RAB12: variants seen among roughly 807,000 people sequenced by gnomAD.
RAB12 encodes the protein RAB12, member RAS oncogene family, also known as ras-related protein Rab-12.
Under a neutral mutation model 28.4 loss-of-function variants are expected in RAB12, and 11 were observed. The observed-to-expected ratio is 0.39, with a 90% CI of 0.24 to 0.64. The LOEUF (loss-of-function observed/expected upper bound fraction) is 0.64. Ranked by LOEUF, RAB12 falls within the 30% of genes least tolerant of loss-of-function variation. The probability of loss-of-function intolerance (pLI) is 0.50; values close to 1 mark genes in which losing one functional copy is unlikely to be tolerated. For missense variants in RAB12, 276 were observed against 351.1 expected (o/e 0.79, Z 1.71); for synonymous variants, 138 against 145.3 (o/e 0.95, Z 0.36).
chr18:8,636,467 G>C, intron 5 of RAB12, 110 bp downstream of exon 5: 1 of 680,196 alleles, frequency 1.5e-6, no homozygotes, highest in South Asian at 1.9e-5. Context: ...CAGTAGTTGT[G>C]CTCAGGCGCA....
intron 2 of RAB12, among the ~76,000 whole-genome samples, chr18:8,625,796 G>T (rs943943447): frequency 6.6e-6 from 1 of 152,106 alleles, no homozygotes; most frequent in African/African-American, 2.4e-5. Context: ...AACTCCTCTT[G>T]GCAGGTCACC....
chr18:8,616,665 A>C (rs955351757), intron 1 of RAB12, among the ~76,000 whole-genome samples: 2 of 152,164 alleles, frequency 1.3e-5, no homozygotes, highest in African/African-American at 4.8e-5. Flanking sequence ...TTGGCTAAAG[A>C]ATCACACACC....
At chr18:8,630,602 A>T (rs981819988) in intron 2 of RAB12, among the ~76,000 whole-genome samples, 1 of 152,226 alleles carries the variant, frequency 6.6e-6, no homozygotes, top group Non-Finnish European at 1.5e-5. Flanking sequence ...GGGGAGGTCC[A>T]TTCAGATGGT....
Position 8,636,283 on chromosome 18 carries a change from T to C in RAB12, c.835T>C (p.Cys279Arg), listed in dbSNP as rs748589565. 1.9e-6 allele frequency: 3 copies of C among 1,613,658 alleles called. No individual in the cohort carries two copies. The highest frequency in any genetic ancestry group is 2.5e-6 in the Non-Finnish European group (3 of 1,179,682). The change falls in exon 5 of 6, where the codon TGT becomes CGT. Residue 279 changes from cysteine (C) to arginine (R), a missense_variant. Physicochemically the swap from Cys to Arg is radical, Grantham distance 180. This residue lies in a region of RAB12 where 127 missense variants were observed against 161.4 expected (regional missense o/e 0.79). Transcript: ENST00000649141. ...ACAGCAGATCACTGGGATGCGGTTCTGTGAAGCAAGTGCCAAGGATAACTT... is the reference window on the plus strand; with the variant it reads ...ACAGCAGATCACTGGGATGCGGTTCCGTGAAGCAAGTGCCAAGGATAACTT... ...FAQQITGMRFCEASAKDNFNV... is the reference protein window; with the variant it reads ...FAQQITGMRFREASAKDNFNV...
chr18:8,609,726 G>A lies in RAB12; in HGVS notation c.287G>A (p.Cys96Tyr), dbSNP rs1330030782. 3.5e-6 allele frequency: 4 copies of A among 1,144,752 alleles called. No individual in the cohort carries two copies. Among genetic ancestry groups the A allele is most frequent in the Non-Finnish European group, 4.3e-6 (4 of 933,048 alleles). 70.9% of individuals were successfully genotyped at this position (1,144,752 alleles called of 1,614,324 possible). A position where few individuals can be genotyped will look rare whatever the true frequency, so the allele number is the denominator to read the frequency against. The change falls in exon 1 of 6, where the codon TGT (cysteine) becomes TAT (tyrosine). Residue 96 changes from cysteine (C) to tyrosine (Y), a missense_variant. Around this residue, in one of 4 missense-constraint regions of RAB12, gnomAD observed 72 missense variants for 55.5 expected, o/e 1.30. Coordinates refer to ENST00000649141, the MANE Select transcript of RAB12 (RefSeq NM_001025300.3). The part of the protein sequence containing the change: ...GRRAEREPHA[C>Y]MDPGAALQRR... Reference sequence around the variant, plus strand: ...CGGGCCGAGCGGGAGCCGCATGCGTGTATGGATCCGGGCGCCGCGCTGCAG... The same window carrying A: ...CGGGCCGAGCGGGAGCCGCATGCGTATATGGATCCGGGCGCCGCGCTGCAG...
At chr18:8,610,071 G>A (rs1174430519) in intron 1 of RAB12, 118 bp downstream of exon 1, 5 of 729,076 alleles carry the variant, frequency 6.9e-6, no homozygotes, top group Non-Finnish European at 1.1e-5. Flanking sequence ...GCCTCTCGGT[G>A]AAACTAGGGG....
chr18:8,632,814 T>C (rs1466204019), intron 2 of RAB12: 1 of 232,786 alleles, frequency 4.3e-6, no homozygotes, highest in Non-Finnish European at 8.3e-6. Context: ...GGAAACTCTG[T>C]ATTTTAAAAA....
rs1483141982 is a variant in RAB12 at position 8,636,235 on chromosome 18, G to A, written c.805-18G>A. On this transcript the variant is annotated intron_variant, in intron 4 of 5. Transcript: ENST00000649141. ...GTGAGGCCCCACACAGAGGAAATAG[G>A]TGTGTGTTTCTTCTCAGTTTGCACA... is the stretch of plus-strand genomic sequence containing the variant. The A allele has an allele frequency of 2.6e-6, 4 of 1,545,512 alleles. No homozygotes were observed. Among genetic ancestry groups the A allele is most frequent in the Non-Finnish European group, 1.8e-6 (2 of 1,117,418 alleles).
At chr18:8,629,141 G>A (rs2096014510) in intron 2 of RAB12, among the ~76,000 whole-genome samples, 1 of 152,140 alleles carries the variant, frequency 6.6e-6, no homozygotes, top group South Asian at 2.1e-4. Flanking sequence ...ACATTTGATT[G>A]AATCCTAATT....
intron 1 of RAB12, among the ~76,000 whole-genome samples, chr18:8,614,000 G>C (rs1385339267): frequency 1.3e-5 from 2 of 152,312 alleles, no homozygotes; most frequent in East Asian, 3.9e-4. Context: ...TGGCACAGCT[G>C]CTCAGCAAGT....
chr18:8,633,351 A>G, intron 3 of RAB12, 24 bp downstream of exon 3: 1 of 1,612,676 alleles, frequency 6.2e-7, no homozygotes, highest in Non-Finnish European at 8.5e-7. Flanking sequence ...TTTTCTGTCC[A>G]ATGTGAACTC....
intron 1 of RAB12, among the ~76,000 whole-genome samples, chr18:8,615,266 C>T (rs1298273886): frequency 1.3e-5 from 2 of 152,204 alleles, no homozygotes; most frequent in Non-Finnish European, 2.9e-5. Context: ...AAGTCAAATG[C>T]AGTCCACCAG....
intron 1 of RAB12, among the ~76,000 whole-genome samples, chr18:8,620,345 G>A (rs1197650773): frequency 6.6e-6 from 1 of 152,022 alleles, no homozygotes; most frequent in Non-Finnish European, 1.5e-5. Context: ...TGGTAGACCA[G>A]TTCTGTATCT....
chr18:8,620,559 C>CTT (rs35318465), intron 1 of RAB12, among the ~76,000 whole-genome samples: 5 of 147,046 alleles, frequency 3.4e-5, no homozygotes, highest in South Asian at 2.2e-4. Flanking sequence ...ACTCAGATGC[C>CTT]TTTTTTTTTT....
Position 8,609,810 on chromosome 18 carries a change from A to C in RAB12, c.371A>C (p.Gln124Pro). Residue 124 changes from glutamine to proline, a missense_variant, in exon 1 of 6, where the codon CAG becomes CCG. Physicochemically the swap from Gln to Pro is moderately conservative, Grantham distance 76. Coordinates refer to ENST00000649141, the MANE Select transcript of RAB12 (RefSeq NM_001025300.3). ...GGCTCCCCGGCGCTGTCGGGCGGCC[A>C]GGGCCGCCGGAGGAAGCAGCCCCCC... Reference protein sequence around the residue: ...GAGSPALSGGQGRRRKQPPRP... With the variant: ...GAGSPALSGGPGRRRKQPPRP... 6.8e-7 allele frequency: 1 copy of C among 1,474,364 alleles called. No individual in the cohort carries two copies. 91.3% of individuals were successfully genotyped at this position (1,474,364 alleles called of 1,614,324 possible). A position where few individuals can be genotyped will look rare whatever the true frequency, so the allele number is the denominator to read the frequency against.
intron 3 of RAB12, among the ~76,000 whole-genome samples, chr18:8,634,932 GCTTAA>G (rs2096018038): frequency 6.6e-6 from 1 of 152,178 alleles, no homozygotes; most frequent in African/African-American, 2.4e-5. Context: ...TAGAAATGTA[GCTTAA>G]CTTTTTTCCT....
intron 1 of RAB12, among the ~76,000 whole-genome samples, chr18:8,612,734 G>A (rs1307325244): frequency 2.0e-5 from 3 of 152,182 alleles, no homozygotes; most frequent in African/African-American, 4.8e-5. Flanking sequence ...GCAGTGGTAC[G>A]ATCATGGCTC....
At chr18:8,614,470 G>T (rs1260644894) in intron 1 of RAB12, among the ~76,000 whole-genome samples, 1 of 145,290 alleles carries the variant, frequency 6.9e-6, no homozygotes, top group African/African-American at 2.6e-5. Flanking sequence ...GCCAGCATAG[G>T]ATTGCCAGTT....
chr18:8,625,148 AAG>A (rs1232380851), intron 2 of RAB12, 150 bp downstream of exon 2: 11 of 592,964 alleles, frequency 1.9e-5, no homozygotes, highest in African/African-American at 7.5e-5. Flanking sequence ...TGTTTCCATC[AAG>A]AGAGAGAATT....
Sources: allele counts gnomAD v4.1 joint callset (sites outside exome capture counted in the v4.1 genomes callset), GRCh38; gene constraint gnomAD v4.1.1; regional missense constraint gnomAD v4.1.1; transcripts MANE v1.5; gene names NCBI Gene and HGNC (gene_info 2026-07-23, HGNC 2026-07-21).